Variants in SMYD3 observed in about 807,000 individuals in gnomAD.
SMYD3 encodes SET and MYND domain containing 3.
SMYD3 carries 36 observed loss-of-function variants against 57.7 expected under a neutral mutation model. The observed-to-expected ratio is 0.62, with a 90% CI of 0.48 to 0.82. The LOEUF (loss-of-function observed/expected upper bound fraction) is 0.82. SMYD3 is among the 40% of genes least tolerant of loss of function. The pLI is 0.00. For missense variants in SMYD3, 515 were observed against 538.8 expected (o/e 0.96, Z 0.44); for synonymous variants, 211 against 195.0 (o/e 1.08, Z -0.68).
intron 1 of SMYD3, among the ~76,000 whole-genome samples, chr1:246,391,420 A>AAG (rs55713238): frequency 1.1e-4 from 14 of 130,170 alleles, no homozygotes; most frequent in African/African-American, 2.9e-4. Context: ...GAGAGAGAAA[A>AAG]AGAGAGAGAG....
chr1:246,228,932 A>G (rs899187511), intron 5 of SMYD3, among the ~76,000 whole-genome samples: 1 of 152,194 alleles, frequency 6.6e-6, no homozygotes, highest in African/African-American at 2.4e-5. Flanking sequence ...AAAATGAATA[A>G]ATAGATAAAG....
At chr1:246,236,493 C>A (rs1194349147) in intron 5 of SMYD3, among the ~76,000 whole-genome samples, 1 of 152,254 alleles carries the variant, frequency 6.6e-6, no homozygotes, top group South Asian at 2.1e-4. Flanking sequence ...CGGCTCACTG[C>A]AAGCTCTGCC....
intron 8 of SMYD3, among the ~76,000 whole-genome samples, chr1:245,878,810 T>A (rs1013147968): frequency 6.6e-6 from 1 of 152,142 alleles, no homozygotes; most frequent in African/African-American, 2.4e-5. Flanking sequence ...CATCAGCAGT[T>A]GGAGGGTTGG....
At chr1:246,283,974 T>A (rs180750104) in intron 5 of SMYD3, among the ~76,000 whole-genome samples, 13 of 152,318 alleles carry the variant, frequency 8.5e-5, no homozygotes, top group Non-Finnish European at 7.3e-5. Flanking sequence ...TAAAATAGCA[T>A]ATCAACCAGT....
intron 1 of SMYD3, among the ~76,000 whole-genome samples, chr1:246,373,094 T>C (rs139359649): frequency 5.9e-5 from 9 of 152,296 alleles, no homozygotes; most frequent in African/African-American, 2.2e-4. Flanking sequence ...ATTAAGTTTT[T>C]TCAATGTATT....
At chr1:245,758,834 A>T (rs1462652574) in intron 11 of SMYD3, among the ~76,000 whole-genome samples, 1 of 152,114 alleles carries the variant, frequency 6.6e-6, no homozygotes, top group Non-Finnish European at 1.5e-5. Context: ...TTTTATTTTC[A>T]TTAAGATTGA....
intron 5 of SMYD3, among the ~76,000 whole-genome samples, chr1:246,173,968 G>A (rs2062389771): frequency 6.6e-6 from 1 of 151,940 alleles, no homozygotes; most frequent in Non-Finnish European, 1.5e-5. Context: ...CACCACACCT[G>A]ACTATTTTTT....
intron 5 of SMYD3, among the ~76,000 whole-genome samples, chr1:246,175,845 T>C (rs1558290306): frequency 6.6e-6 from 1 of 152,234 alleles, no homozygotes; most frequent in Non-Finnish European, 1.5e-5. Flanking sequence ...GAAACATGTG[T>C]AAAGTAGCCA....
rs150203685 is a variant in SMYD3 at position 245,851,638 on chromosome 1, G to A, written c.1076+6858C>T. ...GACACACACAGACTTGGGGCAGGAC[G>A]ACAGCTGCACAGTGGAGCTCATAAC... On this transcript the variant is annotated intron_variant, in intron 10 of 11. Transcript: ENST00000490107. Among the ~76,000 whole-genome samples the A allele has an allele frequency of 6.4e-3, 970 of 152,314 alleles. 11 individuals are homozygous for A. Among genetic ancestry groups the A allele is most frequent in the African/African-American group, 0.022 (901 of 41,582 alleles).
rs368521249 is a variant in SMYD3, at chr1:246,044,440, T to C, written c.532-114503A>G. 2.0e-5 allele frequency among the ~76,000 whole-genome samples: 3 copies of C among 152,172 alleles called. No homozygotes were observed. In the South Asian group the frequency reaches 6.2e-4, roughly 32 times the overall value. On this transcript the variant is annotated intron_variant, in intron 5 of 11. Coordinates refer to ENST00000490107, the MANE Select transcript of SMYD3 (RefSeq NM_001167740.2). ...GAAATGTGCACAAACTGGGTAATGA[T>C]GATGCCAGTACAAGAACTTGCAAAT...
chr1:245,805,802 T>C (rs1304925353), intron 10 of SMYD3, among the ~76,000 whole-genome samples: 1 of 152,234 alleles, frequency 6.6e-6, no homozygotes, highest in Non-Finnish European at 1.5e-5. Flanking sequence ...TAATATGAGA[T>C]TCAGTATCTG....
chr1:246,392,284 G>C (rs1375523735), intron 1 of SMYD3, among the ~76,000 whole-genome samples: 3 of 151,976 alleles, frequency 2.0e-5, no homozygotes, highest in African/African-American at 7.3e-5. Flanking sequence ...CATATCAGAG[G>C]AATTAAAATA....
chr1:246,404,791 A>G (rs2066832893), intron 1 of SMYD3, among the ~76,000 whole-genome samples: 1 of 152,200 alleles, frequency 6.6e-6, no homozygotes, highest in South Asian at 2.1e-4. Flanking sequence ...CAAGTGATCA[A>G]TAACCACATG....
chr1:245,783,417 A>G (rs962333059), intron 10 of SMYD3, among the ~76,000 whole-genome samples: 1 of 152,188 alleles, frequency 6.6e-6, no homozygotes, highest in Non-Finnish European at 1.5e-5. Context: ...GCACTAAGCC[A>G]AGGGCAACTT....
intron 5 of SMYD3, among the ~76,000 whole-genome samples, chr1:246,267,204 T>C (rs1349653615): frequency 6.6e-6 from 1 of 152,170 alleles, no homozygotes; most frequent in East Asian, 1.9e-4. Context: ...ACGGAATACA[T>C]ACATACTTGG....
At chr1:245,888,169 G>C (rs965727398) in intron 8 of SMYD3, among the ~76,000 whole-genome samples, 2 of 152,124 alleles carry the variant, frequency 1.3e-5, no homozygotes, top group East Asian at 1.9e-4. Context: ...CACCCAAGTG[G>C]GTTGTAAAAG....
chr1:246,268,623 G>T (rs1305150540), intron 5 of SMYD3, among the ~76,000 whole-genome samples: 1 of 152,104 alleles, frequency 6.6e-6, no homozygotes, highest in Non-Finnish European at 1.5e-5. Flanking sequence ...GGAATAGCTT[G>T]AACCTGGGAG....
chr1:245,803,955 C>T (rs1280055604), intron 10 of SMYD3, among the ~76,000 whole-genome samples: 1 of 149,934 alleles, frequency 6.7e-6, no homozygotes, highest in Non-Finnish European at 1.5e-5. Context: ...TCTCTGTCGC[C>T]CAGGCTGGAG....
At chr1:245,955,440 T>C (rs550154545) in intron 5 of SMYD3, among the ~76,000 whole-genome samples, 1 of 152,322 alleles carries the variant, frequency 6.6e-6, no homozygotes, top group East Asian at 1.9e-4. Context: ...ATAGCTTTTA[T>C]ATCTTTATTC....
Sources: allele counts gnomAD v4.1 joint callset (sites outside exome capture counted in the v4.1 genomes callset), GRCh38; gene constraint gnomAD v4.1.1; transcripts MANE v1.5; gene names NCBI Gene and HGNC (gene_info 2026-07-23, HGNC 2026-07-21).